Variants in PREX2 observed in about 807,000 individuals in gnomAD.
PREX2 encodes the protein phosphatidylinositol 3,4,5-trisphosphate-dependent Rac exchanger 2 protein.
A neutral mutation model predicts 203.2 loss-of-function variants in PREX2; 107 were observed. That is an observed-to-expected ratio of 0.53 (90% CI 0.45 to 0.62). The LOEUF (loss-of-function observed/expected upper bound fraction) is 0.62, where lower values mean the gene tolerates loss of function less well. Among genes scored for constraint, PREX2 ranks in the 20% least tolerant of loss-of-function variants. PREX2 has a pLI of 0.00. For missense variants in PREX2, 1,777 were observed against 1,955.9 expected, an observed-to-expected ratio of 0.91 and a Z score of 1.72; for synonymous variants, 672 against 663.6, an observed-to-expected ratio of 1.01 and a Z score of -0.19.
intron 8 of PREX2, among the ~76,000 whole-genome samples, chr8:68,046,027 T>C (rs1294481243): frequency 6.6e-6 from 1 of 152,050 alleles, no homozygotes; most frequent in Non-Finnish European, 1.5e-5. Flanking sequence ...AGTCAGATAG[T>C]AAAAGAAGAA....
intron 1 of PREX2, 143 bp downstream of exon 1, chr8:67,952,678 G>T: frequency 8.5e-7 from 1 of 1,173,410 alleles, no homozygotes; most frequent in South Asian, 1.3e-5. Flanking sequence ...ATCCACGTGT[G>T]GACTCTGCGT....
At chr8:68,137,092 G>C (rs1227874568) in intron 32 of PREX2, among the ~76,000 whole-genome samples, 1 of 151,952 alleles carries the variant, frequency 6.6e-6, no homozygotes, top group African/African-American at 2.4e-5. Context: ...TTTTAGTAGA[G>C]ACAGGGTTTC....
At chr8:68,219,288 G>A (rs1364974231) in intron 38 of PREX2, among the ~76,000 whole-genome samples, 1 of 151,340 alleles carries the variant, frequency 6.6e-6, no homozygotes, top group African/African-American at 2.4e-5. Flanking sequence ...AAAACTAAAA[G>A]TGGAAATAGA....
intron 8 of PREX2, among the ~76,000 whole-genome samples, chr8:68,047,901 C>T (rs548902311): frequency 6.6e-6 from 1 of 152,002 alleles, no homozygotes; most frequent in South Asian, 2.1e-4. Context: ...ATGTAAACAT[C>T]TTAAATCTTT....
intron 35 of PREX2, among the ~76,000 whole-genome samples, chr8:68,166,979 T>C (rs1001711194): frequency 6.6e-6 from 1 of 152,148 alleles, no homozygotes; most frequent in Admixed American, 6.5e-5. Context: ...GCGTTAGTTT[T>C]AAACAAAATG....
Position 68,067,900 on chromosome 8 carries a change from T to TG in PREX2, c.1340-1132dup, listed in dbSNP as rs1218128459. On this transcript the variant is annotated intron_variant, in intron 11 of 39. Coordinates refer to ENST00000288368, the MANE Select transcript of PREX2 (RefSeq NM_024870.4). ...AGGTGCATTTTGTCTATGCCAAATT[T>TG]GTTGAGAGCTTTCATTATGAAAGGA... is the stretch of plus-strand genomic sequence containing the variant. 4.6e-5 allele frequency among the ~76,000 whole-genome samples: 7 copies of TG among 152,094 alleles called. No homozygotes were observed. The East Asian group carries it at 1.2e-3, about 25-fold the overall frequency.
At chr8:68,051,565 C>G (rs1454653990) in intron 8 of PREX2, among the ~76,000 whole-genome samples, 1 of 152,036 alleles carries the variant, frequency 6.6e-6, no homozygotes, top group Non-Finnish European at 1.5e-5. Flanking sequence ...ATTGTAATTT[C>G]TCAGTTGGTT....
chr8:68,128,003 A>G (rs11990617), intron 31 of PREX2, among the ~76,000 whole-genome samples: 6,648 of 152,292 alleles, frequency 0.044, 427 homozygotes, highest in African/African-American at 0.14. Flanking sequence ...ACAAATATTT[A>G]TGGCAAAAAT....
At position 68,120,906 on chromosome 8, in the gene PREX2, T is replaced by G. The variant is rs746550206; in HGVS notation, c.3596-15T>G. ...ATTATTTGAGACTTAAGAGAGATTT[T>G]CTGTGTTTATTTAGAATTTCAACAG... On this transcript the variant is annotated splice_polypyrimidine_tract_variant and intron_variant, in intron 29 of 39. Coordinates refer to ENST00000288368, the MANE Select transcript of PREX2 (RefSeq NM_024870.4). The G allele has an allele frequency of 1.2e-6, 2 of 1,608,908 alleles. No individual in the cohort carries two copies. The highest frequency in any genetic ancestry group is 8.5e-7 in the Non-Finnish European group (1 of 1,177,714).
intron 37 of PREX2, among the ~76,000 whole-genome samples, chr8:68,206,655 C>T (rs576019508): frequency 2.0e-5 from 3 of 152,230 alleles, no homozygotes; most frequent in Non-Finnish European, 2.9e-5. Context: ...AACCCAAGAG[C>T]GTATGGCAGA....
intron 31 of PREX2, among the ~76,000 whole-genome samples, chr8:68,129,896 A>T (rs897551907): frequency 9.9e-5 from 15 of 151,466 alleles, no homozygotes; most frequent in Non-Finnish European, 1.8e-4. Flanking sequence ...CAAAAAAAAA[A>T]AAACCCTCAA....
intron 15 of PREX2, among the ~76,000 whole-genome samples, 175 bp from the exon 16 acceptor site, chr8:68,080,268 A>C (rs1585767102): frequency 8.8e-6 from 1 of 113,374 alleles, no homozygotes; most frequent in Non-Finnish European, 2.0e-5. Context: ...CATTGGCTCG[A>C]AATTATAGAA....
chr8:68,084,153 G>C (rs1264499337), intron 18 of PREX2, among the ~76,000 whole-genome samples: 1 of 152,010 alleles, frequency 6.6e-6, no homozygotes, highest in African/African-American at 2.4e-5. Flanking sequence ...TCCATCAATG[G>C]TTTAGTATTT....
At chr8:68,128,371 A>T (rs1361936024) in intron 31 of PREX2, among the ~76,000 whole-genome samples, 2 of 152,130 alleles carry the variant, frequency 1.3e-5, no homozygotes, top group African/African-American at 2.4e-5. Context: ...TGTTGTGTTT[A>T]AAAAAATTCC....
intron 31 of PREX2, among the ~76,000 whole-genome samples, chr8:68,129,180 G>T (rs1810953742): frequency 6.6e-6 from 1 of 152,200 alleles, no homozygotes; most frequent in Non-Finnish European, 1.5e-5. Flanking sequence ...GGAGCATCTA[G>T]AAGGTTAGGC....
chr8:68,083,455 A>C, intron 18 of PREX2, 67 bp downstream of exon 18: 1 of 1,239,482 alleles, frequency 8.1e-7, no homozygotes, highest in African/African-American at 1.5e-5. Flanking sequence ...AGAAAAGATA[A>C]CTAAGTAAAT....
chr8:68,213,267 A>G (rs1812774836), intron 37 of PREX2, among the ~76,000 whole-genome samples: 1 of 152,234 alleles, frequency 6.6e-6, no homozygotes, highest in Non-Finnish European at 1.5e-5. Flanking sequence ...GCTGGGATGT[A>G]AAGAAGACAG....
chr8:68,093,961 C>G (rs541863592), intron 21 of PREX2, among the ~76,000 whole-genome samples: 2 of 152,174 alleles, frequency 1.3e-5, no homozygotes, highest in African/African-American at 4.8e-5. Flanking sequence ...AAAAGAAAAT[C>G]TCCTAAAATG....
chr8:68,058,978 G>T (rs897901784), intron 10 of PREX2, among the ~76,000 whole-genome samples: 3 of 140,548 alleles, frequency 2.1e-5, no homozygotes, highest in Non-Finnish European at 4.7e-5. Context: ...TTTAATAAAA[G>T]AATAAAAAAA....
Sources: gnomAD v4.1 joint callset for allele counts (sites outside exome capture counted in the v4.1 genomes callset) on GRCh38, gnomAD v4.1.1 for gene constraint, MANE v1.5 for transcripts, NCBI Gene and HGNC (gene_info 2026-07-23, HGNC 2026-07-21) for gene names.